The following DMD variants were observed in gnomAD, a reference collection of about 807,000 sequenced individuals.
DMD encodes dystrophin.
In DMD, 63 loss-of-function variants were observed where a neutral mutation model predicts 330.1. That is an observed-to-expected ratio of 0.19 (90% CI 0.16 to 0.24). The LOEUF (loss-of-function observed/expected upper bound fraction) is 0.24, where lower values mean the gene tolerates loss of function less well. DMD is among the 10% of genes least tolerant of loss of function. DMD has a pLI of 1.00. For missense variants in DMD, 3,344 were observed against 2,684.1 expected (o/e 1.25, Z -5.43); for synonymous variants, 1,223 against 959.8 (o/e 1.27, Z -5.07).
At chrX:31,198,023 TAAAAAA>T (rs61065027) in intron 67 of DMD, among the ~76,000 whole-genome samples, 3,210 of 64,883 alleles carry the variant, frequency 0.049, 177 homozygotes, top group African/African-American at 0.17. Flanking sequence ...GTGTGGGAGC[TAAAAAA>T]AAAAAAAAAA....
At chrX:31,705,077 C>A (rs746946657) in intron 52 of DMD, among the ~76,000 whole-genome samples, 7 of 112,033 alleles carry the variant, frequency 6.2e-5, no homozygotes, top group Non-Finnish European at 1.3e-4. Context: ...AACCTCAGTG[C>A]AATGGGAATC....
At chrX:32,041,367 G>T (rs1368688720) in intron 44 of DMD, among the ~76,000 whole-genome samples, 1 of 112,213 alleles carries the variant, frequency 8.9e-6, no homozygotes, top group Non-Finnish European at 1.9e-5. Context: ...GGCAGTCGTG[G>T]ACCTGCCCAC....
chrX:33,170,834 T>G (rs1234706340), intron 1 of DMD, among the ~76,000 whole-genome samples: 3 of 111,736 alleles, frequency 2.7e-5, no homozygotes, highest in African/African-American at 9.7e-5. Context: ...CACTCTAATC[T>G]GTGAATTTCT....
intron 65 of DMD, among the ~76,000 whole-genome samples, chrX:31,208,947 T>G (rs1404915388): frequency 1.8e-5 from 2 of 111,896 alleles, no homozygotes; most frequent in African/African-American, 3.2e-5. Flanking sequence ...GGCGCCAAAC[T>G]GAAACTTCAT....
At chrX:32,502,774 A>G (rs760001962) in intron 18 of DMD, among the ~76,000 whole-genome samples, 24 of 111,739 alleles carry the variant, frequency 2.1e-4, no homozygotes, top group African/African-American at 7.1e-4. Flanking sequence ...CTTCATTTAC[A>G]TCCACAGGCA....
intron 45 of DMD, among the ~76,000 whole-genome samples, chrX:31,966,270 C>A (rs2150175499): frequency 9.1e-6 from 1 of 110,420 alleles, no homozygotes; most frequent in East Asian, 2.9e-4. Flanking sequence ...ACATATTATT[C>A]ATAAAATATT....
At chrX:32,840,524 G>A (rs1268434913) in intron 4 of DMD, among the ~76,000 whole-genome samples, 1 of 111,314 alleles carries the variant, frequency 9.0e-6, no homozygotes, top group Non-Finnish European at 1.9e-5. Context: ...AAATACACAT[G>A]TGTAACAGCT....
At chrX:33,033,428 T>G (rs1433488604) in intron 1 of DMD, among the ~76,000 whole-genome samples, 1 of 108,230 alleles carries the variant, frequency 9.2e-6, no homozygotes, top group Non-Finnish European at 1.9e-5. Context: ...AAGTAACTTT[T>G]GGCCAGGCGC....
intron 29 of DMD, among the ~76,000 whole-genome samples, chrX:32,434,067 AG>A (rs1444071536): frequency 1.8e-5 from 2 of 112,205 alleles, no homozygotes; most frequent in African/African-American, 6.5e-5. Context: ...CTCTGAAATT[AG>A]GGATGGGATC....
intron 60 of DMD, among the ~76,000 whole-genome samples, chrX:31,404,259 G>C (rs1168675375): frequency 9.0e-6 from 1 of 111,391 alleles, no homozygotes; most frequent in Non-Finnish European, 1.9e-5. Context: ...ATTTTTATGT[G>C]TGAATGAATT....
chrX:33,316,193 T>C (rs1457830092), intron 1 of DMD, among the ~76,000 whole-genome samples: 1 of 110,547 alleles, frequency 9.0e-6, no homozygotes, highest in African/African-American at 3.3e-5. Flanking sequence ...ATCAAGGGAA[T>C]GGGAAAACTC....
At chrX:32,442,581 C>T (rs1179377953) in intron 27 of DMD, among the ~76,000 whole-genome samples, 1 of 110,089 alleles carries the variant, frequency 9.1e-6, no homozygotes, top group African/African-American at 3.3e-5. Flanking sequence ...TTTCAGAAAA[C>T]AATTTGTTAT....
intron 44 of DMD, among the ~76,000 whole-genome samples, chrX:32,144,666 C>G (rs1458158792): frequency 1.8e-5 from 2 of 111,880 alleles, no homozygotes; most frequent in African/African-American, 6.5e-5. Flanking sequence ...ATTGTCATGG[C>G]TAAAAAGCAT....
chrX:32,722,368 G>C (rs1378671215), intron 7 of DMD, among the ~76,000 whole-genome samples: 10 of 110,565 alleles, frequency 9.0e-5, no homozygotes, highest in Admixed American at 8.7e-4. Context: ...CATTGTATTA[G>C]GTGTAATAAC....
At chrX:31,795,588 G>A (rs1429331076) in intron 50 of DMD, among the ~76,000 whole-genome samples, 2 of 111,974 alleles carry the variant, frequency 1.8e-5, no homozygotes, top group African/African-American at 6.5e-5. Flanking sequence ...TTTAACCTCT[G>A]AACTTCCAGT....
chrX:32,133,333 G>A (rs1335487199), intron 44 of DMD, among the ~76,000 whole-genome samples: 1 of 110,535 alleles, frequency 9.0e-6, no homozygotes, highest in East Asian at 2.8e-4. Context: ...ATCCTGTGCT[G>A]TTTTCTCCTT....
chrX:32,252,697 A>AATAT (rs1351694252), intron 43 of DMD, among the ~76,000 whole-genome samples: 17 of 41,921 alleles, frequency 4.1e-4, no homozygotes, highest in Non-Finnish European at 7.0e-4. Flanking sequence ...TATATATATA[A>AATAT]ATATATATAA....
At chrX:31,800,950 C>A (rs917220814) in intron 50 of DMD, among the ~76,000 whole-genome samples, 3 of 111,359 alleles carry the variant, frequency 2.7e-5, no homozygotes, top group African/African-American at 9.8e-5. Flanking sequence ...TAGGAAGTTT[C>A]AAATTTTCCC....
chrX:32,035,301 A>C (rs751691756), intron 44 of DMD, among the ~76,000 whole-genome samples: 10 of 111,981 alleles, frequency 8.9e-5, no homozygotes, highest in African/African-American at 3.2e-4. Flanking sequence ...GGGAAAGGGG[A>C]GTATAAACTG....
Sources: gnomAD v4.1 joint callset for allele counts (sites outside exome capture counted in the v4.1 genomes callset) on GRCh38, gnomAD v4.1.1 for gene constraint, MANE v1.5 for transcripts, NCBI Gene and HGNC (gene_info 2026-07-23, HGNC 2026-07-21) for gene names.